IGBP1C: variants seen among roughly 807,000 people sequenced by gnomAD.
IGBP1C encodes immunoglobulin-binding protein 1 family member C.
the IGBP1C span, among the ~76,000 whole-genome samples, chr17:58,685,988 C>T: frequency 3.6e-5 from 4 of 109,626 alleles, no homozygotes; most frequent in Non-Finnish European, 6.9e-5. Flanking sequence ...GGGCAAGACT[C>T]TGTCTCACAA....
chr17:58,678,748 A>C, the IGBP1C span, among the ~76,000 whole-genome samples: 2 of 151,524 alleles, frequency 1.3e-5, no homozygotes, highest in Admixed American at 6.6e-5. Flanking sequence ...GGGTGCAGCA[A>C]ACCAACATGG....
At chr17:58,689,158 G>C in the IGBP1C span, among the ~76,000 whole-genome samples, 124 of 152,082 alleles carry the variant, frequency 8.2e-4, no homozygotes, top group Middle Eastern at 3.4e-3. Context: ...TCTATCTCCT[G>C]ATCTCGTGAT....
the IGBP1C span, among the ~76,000 whole-genome samples, chr17:58,662,618 C>T: frequency 1.3e-5 from 2 of 152,046 alleles, no homozygotes; most frequent in South Asian, 2.1e-4. Flanking sequence ...CATGGCTGTT[C>T]CTGCCAACTC....
chr17:58,684,042 C>A, the IGBP1C span, among the ~76,000 whole-genome samples: 2 of 151,014 alleles, frequency 1.3e-5, no homozygotes, highest in East Asian at 4.0e-4. Flanking sequence ...TCCAGCCTGG[C>A]TACAGAGCGA....
chr17:58,674,982 C>T, the IGBP1C span, among the ~76,000 whole-genome samples: 1 of 151,558 alleles, frequency 6.6e-6, no homozygotes, highest in Non-Finnish European at 1.5e-5. Flanking sequence ...CCCATCTCTA[C>T]AAAAAACACA....
chr17:58,662,509 T>G, the IGBP1C span, among the ~76,000 whole-genome samples: 3 of 151,074 alleles, frequency 2.0e-5, no homozygotes, highest in Non-Finnish European at 4.4e-5. Context: ...CCAAATAAGT[T>G]GAGATGGAGA....
the IGBP1C span, among the ~76,000 whole-genome samples, chr17:58,674,033 G>A: frequency 6.6e-6 from 1 of 152,138 alleles, no homozygotes; most frequent in East Asian, 1.9e-4. Flanking sequence ...TGGCACTTTG[G>A]GAGGCCAAGG....
chr17:58,679,371 C>T, the IGBP1C span, among the ~76,000 whole-genome samples: 1 of 152,236 alleles, frequency 6.6e-6, no homozygotes, highest in East Asian at 1.9e-4. Context: ...ACAACACCAA[C>T]CACGAGGGGT....
At chr17:58,662,390 T>C in the IGBP1C span, among the ~76,000 whole-genome samples, 1 of 148,982 alleles carries the variant, frequency 6.7e-6, no homozygotes, top group Non-Finnish European at 1.5e-5. Flanking sequence ...ATATTATGTG[T>C]GTACAGATAT....
chr17:58,660,749 T>C, the IGBP1C span: 1 of 781,316 alleles, frequency 1.3e-6, no homozygotes, highest in Non-Finnish European at 2.4e-6. Context: ...TATTCCCTGA[T>C]CTGGTAACAC....
At chr17:58,667,809 C>T in the IGBP1C span, among the ~76,000 whole-genome samples, 4 of 151,090 alleles carry the variant, frequency 2.6e-5, no homozygotes, top group East Asian at 1.9e-4. Flanking sequence ...TGCTTGAACC[C>T]GGGAGGCGAA....
chr17:58,666,782 C>T, the IGBP1C span: 23 of 152,218 alleles, frequency 1.5e-4, no homozygotes, highest in Non-Finnish European at 2.9e-4. Flanking sequence ...TCTAATTGGA[C>T]TTTATCCACA....
At chr17:58,661,765 T>G in the IGBP1C span, 1 of 548,240 alleles carries the variant, frequency 1.8e-6, no homozygotes, top group South Asian at 2.7e-5. Context: ...GAGTCGGTTG[T>G]GCCGGGTCTG....
chr17:58,664,210 G>T, the IGBP1C span, among the ~76,000 whole-genome samples: 1 of 152,152 alleles, frequency 6.6e-6, no homozygotes, highest in Non-Finnish European at 1.5e-5. Context: ...ATTCCAGAAG[G>T]TTTGATTTCA....
At chr17:58,686,447 T>A in the IGBP1C span, among the ~76,000 whole-genome samples, 1 of 151,900 alleles carries the variant, frequency 6.6e-6, no homozygotes, top group African/African-American at 2.4e-5. Flanking sequence ...TTAGGCTGAG[T>A]TGGAGGAGAC....
chr17:58,675,972 C>T, the IGBP1C span, among the ~76,000 whole-genome samples: 3 of 152,154 alleles, frequency 2.0e-5, no homozygotes, highest in African/African-American at 7.2e-5. Flanking sequence ...GGTGCCGTGG[C>T]TCACACATGT....
the IGBP1C span, among the ~76,000 whole-genome samples, chr17:58,688,121 T>G: frequency 6.6e-6 from 1 of 152,140 alleles, no homozygotes; most frequent in Non-Finnish European, 1.5e-5. Flanking sequence ...AGACTTTTTT[T>G]GTTTTGTTTT....
At chr17:58,688,177 G>A in the IGBP1C span, among the ~76,000 whole-genome samples, 1 of 152,048 alleles carries the variant, frequency 6.6e-6, no homozygotes, top group African/African-American at 2.4e-5. Flanking sequence ...CTGGAGTACA[G>A]TGTCATAATA....
chr17:58,669,639 C>T, the IGBP1C span, among the ~76,000 whole-genome samples: 1 of 146,012 alleles, frequency 6.8e-6, no homozygotes, highest in Non-Finnish European at 1.5e-5. Context: ...GAGGCTGAGG[C>T]AGGTGAATCA....
Sources: gnomAD v4.1 joint callset for allele counts (sites outside exome capture counted in the v4.1 genomes callset) on GRCh38, gnomAD v4.1.1 for gene constraint, MANE v1.5 for transcripts, NCBI Gene and HGNC (gene_info 2026-07-23, HGNC 2026-07-21) for gene names.